The following SUV39H2 variants were observed in gnomAD, a reference collection of about 807,000 sequenced individuals.
The protein encoded by SUV39H2 is SUV39H2 histone lysine methyltransferase.
Under a neutral mutation model 47.5 loss-of-function variants are expected in SUV39H2, and 10 were observed. The observed-to-expected ratio is 0.21, with a 90% confidence interval of 0.13 to 0.36. The LOEUF (loss-of-function observed/expected upper bound fraction) is 0.36, where lower values mean the gene tolerates loss of function less well. SUV39H2 is among the 10% of genes least tolerant of loss of function. SUV39H2 has a pLI of 1.00. For missense variants in SUV39H2, 266 were observed against 487.4 expected, an observed-to-expected ratio of 0.55 and a Z score of 4.28; for synonymous variants, 159 against 166.8, an observed-to-expected ratio of 0.95 and a Z score of 0.36.
chr10:14,887,684 G>A (rs904130849), intron 2 of SUV39H2, among the ~76,000 whole-genome samples: 1 of 152,212 alleles, frequency 6.6e-6, no homozygotes, highest in Non-Finnish European at 1.5e-5. Context: ...CCTGCACTAG[G>A]AATTGGGAAT....
intron 2 of SUV39H2, among the ~76,000 whole-genome samples, chr10:14,887,980 G>A (rs1833266717): frequency 6.6e-6 from 1 of 152,178 alleles, no homozygotes; most frequent in African/African-American, 2.4e-5. Flanking sequence ...AGGAATAGAG[G>A]GTGTGAGTGG....
At chr10:14,879,171 G>T in intron 1 of SUV39H2, 2 of 1,167,966 alleles carry the variant, frequency 1.7e-6, no homozygotes, top group Non-Finnish European at 2.1e-6. Flanking sequence ...GTGGAGCGTG[G>T]CCTCTCCGCC....
In SUV39H2 at chr10:14,898,202, CTTTTTTTTTTTTT is replaced by C. The variant is rs919860514; in HGVS notation, c.849+701_849+713del. ...AAAACTCAGTGAGGTAGTACTGTTT[CTTTTTTTTTTTTT>C]TTTTTTTTTTTTTTTGAGAAGTAGT... On this transcript the variant is annotated intron_variant, in intron 3 of 5. Transcript: ENST00000354919. 288 of 56,150 alleles carry C rather than the reference CTTTTTTTTTTTTT, an allele frequency of 5.1e-3. 2 individuals are homozygous for C. The highest frequency in any genetic ancestry group is 0.019 in the African/African-American group (270 of 14,148). The allele number at this position is 56,150 out of a possible 1,614,324, so 3.5% of individuals were successfully genotyped here. A position where few individuals can be genotyped will look rare whatever the true frequency, so the allele number is the denominator to read the frequency against.
intron 2 of SUV39H2, among the ~76,000 whole-genome samples, chr10:14,893,160 C>T (rs918853784): frequency 6.6e-6 from 1 of 151,472 alleles, no homozygotes; most frequent in African/African-American, 2.4e-5. Context: ...CCCGCCACCT[C>T]GCCCGGCTAA....
At position 14,899,571 on chromosome 10, in the gene SUV39H2, A is replaced by C. The variant is rs773447856; in HGVS notation, c.882A>C (p.Gly294=). 6.2e-7 allele frequency: 1 copy of C among 1,614,168 alleles called. No individual in the cohort carries two copies. Among genetic ancestry groups the C allele is most frequent in the Non-Finnish European group, 8.5e-7 (1 of 1,180,016 alleles). Reference sequence around the variant, plus strand: ...CAAGTGAAGAAGCTGAAAGACGAGGACAGTTCTATGACAACAAGGGAATCA... The same window carrying C: ...CAAGTGAAGAAGCTGAAAGACGAGGCCAGTTCTATGACAACAAGGGAATCA... ...VITSEEAERR[G]QFYDNKGITY... The change falls in exon 4 of 6, where the codon GGA becomes GGC. Residue 294 remains glycine, a synonymous_variant. Transcript: ENST00000354919.
At chr10:14,881,732 A>G (rs1162058088) in intron 2 of SUV39H2, 87 bp downstream of exon 2, 3 of 1,189,784 alleles carry the variant, frequency 2.5e-6, no homozygotes, top group Non-Finnish European at 3.3e-6. Context: ...CATTAAAAGA[A>G]AAGCTCTTCT....
chr10:14,902,517 T>C lies in SUV39H2; in HGVS notation c.*5T>C, dbSNP rs749545013. On this transcript the variant is annotated 3_prime_UTR_variant, in exon 6 of 6. Transcript: ENST00000354919. ...TGCAGAGGTTACCTCAACTGAACTT[T>C]TTCAGGAAATAGAGCTGATGATTAT... The C allele has an allele frequency of 3.9e-6, 6 of 1,543,144 alleles. No individual in the cohort carries two copies. The East Asian group carries it at 1.4e-4, about 35-fold the overall frequency.
intron 5 of SUV39H2, among the ~76,000 whole-genome samples, chr10:14,901,474 C>G (rs758129149): frequency 6.6e-6 from 1 of 152,002 alleles, no homozygotes; most frequent in African/African-American, 2.4e-5. Context: ...GGTTCTACAT[C>G]GTAAATTTTC....
At chr10:14,892,946 A>G (rs1331461775) in intron 2 of SUV39H2, among the ~76,000 whole-genome samples, 1 of 150,720 alleles carries the variant, frequency 6.6e-6, no homozygotes, top group African/African-American at 2.4e-5. Flanking sequence ...CAGCCTCCCA[A>G]GTAGCTGGGA....
intron 2 of SUV39H2, among the ~76,000 whole-genome samples, chr10:14,889,228 T>C (rs1277014757): frequency 6.6e-6 from 1 of 152,210 alleles, no homozygotes. Flanking sequence ...TTTATAATTT[T>C]TTTCAAGTTT....
At chr10:14,884,891 G>C (rs1393392403) in intron 2 of SUV39H2, among the ~76,000 whole-genome samples, 1 of 152,176 alleles carries the variant, frequency 6.6e-6, no homozygotes. Flanking sequence ...TATTCTTACA[G>C]GGTGTTACTA....
chr10:14,883,292 C>A (rs557807700), intron 2 of SUV39H2, among the ~76,000 whole-genome samples: 79 of 152,314 alleles, frequency 5.2e-4, no homozygotes, highest in African/African-American at 1.7e-3. Flanking sequence ...TTGCCTCTCC[C>A]CTCATGCAAG....
intron 2 of SUV39H2, among the ~76,000 whole-genome samples, chr10:14,884,002 T>C (rs1331330478): frequency 6.6e-6 from 1 of 152,258 alleles, no homozygotes; most frequent in Non-Finnish European, 1.5e-5. Context: ...TTGTGAAATA[T>C]ATCAATACTT....
chr10:14,885,937 T>C (rs1833193834), intron 2 of SUV39H2, among the ~76,000 whole-genome samples: 1 of 152,226 alleles, frequency 6.6e-6, no homozygotes, highest in Admixed American at 6.5e-5. Context: ...TTTAGACCTT[T>C]TCATGGTTCC....
rs1834191505 is a variant in SUV39H2 at position 14,904,022 on chromosome 10, C to T, written c.*1510C>T. On this transcript the variant is annotated 3_prime_UTR_variant, in exon 6 of 6. Transcript: ENST00000354919. ...TAACCAAAATTGCAGAATGGGGGGC[C>T]AGGCCTGTGTGGTGGCTCACACCTG... 6.6e-6 allele frequency: 1 copy of T among 152,164 alleles called. No individual in the cohort carries two copies. Among genetic ancestry groups the T allele is most frequent in the African/African-American group, 2.4e-5 (1 of 41,450 alleles). 9.4% of individuals were successfully genotyped at this position (152,164 alleles called of 1,614,324 possible).
intron 2 of SUV39H2, among the ~76,000 whole-genome samples, chr10:14,896,024 A>T (rs1419650252): frequency 7.3e-5 from 11 of 151,596 alleles, no homozygotes; most frequent in Admixed American, 5.9e-4. Flanking sequence ...GCTCACTGCA[A>T]CCTCTGCCTC....
At chr10:14,899,787 C>T in intron 4 of SUV39H2, 102 bp downstream of exon 4, 1 of 1,348,030 alleles carries the variant, frequency 7.4e-7, no homozygotes, top group African/African-American at 1.5e-5. Context: ...ATCCTTTTAA[C>T]ATTTCCAAAA....
chr10:14,881,252 G>C (rs1023406515), intron 1 of SUV39H2, among the ~76,000 whole-genome samples: 2 of 152,132 alleles, frequency 1.3e-5, no homozygotes, highest in Non-Finnish European at 2.9e-5. Context: ...TGACTTAATG[G>C]AAATTAACTG....
rs1023081654 is a variant in SUV39H2, at chr10:14,897,177, A to G, written c.509A>G (p.Tyr170Cys). 12 of 1,613,734 alleles carry G rather than the reference A, an allele frequency of 7.4e-6. No homozygotes were observed. The highest frequency in any genetic ancestry group is 4.0e-5 in the African/African-American group (3 of 74,956). The change falls in exon 3 of 6, where the codon TAT becomes TGT. Residue 170 changes from tyrosine (Y) to cysteine (C), a missense_variant. Coordinates refer to ENST00000354919, the MANE Select transcript of SUV39H2 (RefSeq NM_001193424.2). ...VDLEGPPSDF[Y>C]YINEYKPAPG... ...TTAGAGGGCCCACCTTCAGACTTCT[A>G]TTACATTAACGAATACAAACCAGCT...
Sources: allele counts gnomAD v4.1 joint callset (sites outside exome capture counted in the v4.1 genomes callset), GRCh38; gene constraint gnomAD v4.1.1; transcripts MANE v1.5; gene names NCBI Gene and HGNC (gene_info 2026-07-23, HGNC 2026-07-21).